The following BRINP3 variants were observed in gnomAD, a reference collection of about 807,000 sequenced individuals.
BRINP3 encodes the protein BMP/retinoic acid inducible neural specific 3.
Under a neutral mutation model 71.0 loss-of-function variants are expected in BRINP3, and 19 were observed. The ratio of observed to expected loss-of-function variants is 0.27; its 90% CI spans 0.19 to 0.39. The LOEUF (loss-of-function observed/expected upper bound fraction) is 0.39. BRINP3 is among the 10% of genes least tolerant of loss of function. The pLI, the probability that BRINP3 is intolerant of heterozygous loss-of-function variation, is 1.00. For missense variants in BRINP3, 959 were observed against 940.8 expected, an observed-to-expected ratio of 1.02 and a Z score of -0.25; for synonymous variants, 380 against 337.7, an observed-to-expected ratio of 1.13 and a Z score of -1.37.
rs555180237 is a variant in BRINP3, at chr1:190,224,953, G to A, written c.961+1129C>T. On this transcript the variant is annotated intron_variant, in intron 6 of 7. Coordinates refer to ENST00000367462, the MANE Select transcript of BRINP3 (RefSeq NM_199051.3). ...GCAAGTCAAAACTACAATTTAAAATGGGTTGTATCAAAAGACAGGCAATAA... is the reference window on the plus strand; with the variant it reads ...GCAAGTCAAAACTACAATTTAAAATAGGTTGTATCAAAAGACAGGCAATAA... Among the ~76,000 whole-genome samples the A allele has an allele frequency of 3.3e-5, 5 of 151,818 alleles. No homozygotes were observed. The South Asian group carries it at 1.0e-3, about 31-fold the overall frequency.
At chr1:190,144,070 T>C (rs2102399566) in intron 7 of BRINP3, among the ~76,000 whole-genome samples, 1 of 152,292 alleles carries the variant, frequency 6.6e-6, no homozygotes, top group East Asian at 1.9e-4. Context: ...TGTACAAGAT[T>C]CTTTAAGAGA....
At chr1:190,110,178 A>G (rs1361426814) in intron 7 of BRINP3, among the ~76,000 whole-genome samples, 1 of 152,180 alleles carries the variant, frequency 6.6e-6, no homozygotes, top group Admixed American at 6.5e-5. Flanking sequence ...GAATGCTTTA[A>G]TAGTCTCCAG....
intron 5 of BRINP3, among the ~76,000 whole-genome samples, chr1:190,232,351 A>G (rs1658072877): frequency 6.6e-6 from 1 of 152,112 alleles, no homozygotes; most frequent in Non-Finnish European, 1.5e-5. Flanking sequence ...TTTATAAGGT[A>G]GATGAGGGGT....
At chr1:190,169,835 T>C (rs1373741523) in intron 6 of BRINP3, among the ~76,000 whole-genome samples, 1 of 152,192 alleles carries the variant, frequency 6.6e-6, no homozygotes, top group Admixed American at 6.6e-5. Flanking sequence ...TATAATTTAT[T>C]TAGTGTTTCC....
At chr1:190,406,904 A>C (rs1672317863) in intron 2 of BRINP3, among the ~76,000 whole-genome samples, 1 of 152,214 alleles carries the variant, frequency 6.6e-6, no homozygotes, top group Admixed American at 6.5e-5. Context: ...TTTCACTTGA[A>C]TATAATTGAA....
At chr1:190,129,199 G>A (rs1654331689) in intron 7 of BRINP3, among the ~76,000 whole-genome samples, 2 of 151,828 alleles carry the variant, frequency 1.3e-5, no homozygotes, top group African/African-American at 4.8e-5. Flanking sequence ...GGACATCAGA[G>A]TGAGAAAGCT....
rs537392862 is a variant in BRINP3 at position 190,285,936 on chromosome 1, T to C, written c.237-4186A>G. ...TATTAAATAAGAACATTGTTGTATCTAACTAAGTGTTGTATTCTACTTGGA... is the reference window on the plus strand; with the variant it reads ...TATTAAATAAGAACATTGTTGTATCCAACTAAGTGTTGTATTCTACTTGGA... On this transcript the variant is annotated intron_variant, in intron 2 of 7. Transcript: ENST00000367462. 1.5e-4 allele frequency among the ~76,000 whole-genome samples: 23 copies of C among 152,280 alleles called. 1 individual carries two copies. Among genetic ancestry groups the C allele is most frequent in the African/African-American group, 5.1e-4 (21 of 41,564 alleles).
intron 2 of BRINP3, among the ~76,000 whole-genome samples, chr1:190,426,183 G>C (rs1673693859): frequency 6.6e-6 from 1 of 151,730 alleles, no homozygotes; most frequent in African/African-American, 2.4e-5. Context: ...TTCGAGGATT[G>C]TTTCTAAGTG....
chr1:190,392,476 G>C (rs1209130929), intron 2 of BRINP3, among the ~76,000 whole-genome samples: 3 of 151,562 alleles, frequency 2.0e-5, no homozygotes, highest in Admixed American at 6.6e-5. Context: ...CAGACATAGT[G>C]CAACTGGAAA....
chr1:190,162,953 A>G (rs1027867681), intron 6 of BRINP3, among the ~76,000 whole-genome samples: 7 of 152,140 alleles, frequency 4.6e-5, no homozygotes, highest in African/African-American at 1.7e-4. Flanking sequence ...ATCTATGACA[A>G]CAAATATGAA....
chr1:190,119,971 A>AGTAGTTGAGTCCATCACATCTTTTTC (rs1653500630), intron 7 of BRINP3, among the ~76,000 whole-genome samples: 1 of 152,206 alleles, frequency 6.6e-6, no homozygotes. Flanking sequence ...TTTTTCAGTA[A>AGTAGTTGAGTCCATCACATCTTTTTC]AGTAAGTAGT....
intron 6 of BRINP3, among the ~76,000 whole-genome samples, chr1:190,212,184 C>G (rs1346267207): frequency 1.3e-5 from 2 of 152,038 alleles, no homozygotes; most frequent in African/African-American, 4.8e-5. Flanking sequence ...TTGTCAAAAA[C>G]CTTTACCCAT....
chr1:190,312,150 A>G (rs1399745131), intron 2 of BRINP3, among the ~76,000 whole-genome samples: 1 of 148,274 alleles, frequency 6.7e-6, no homozygotes, highest in Non-Finnish European at 1.5e-5. Context: ...AACTGGCAAC[A>G]TTTGAAGTGG....
intron 7 of BRINP3, among the ~76,000 whole-genome samples, chr1:190,130,701 C>A (rs998425511): frequency 6.6e-6 from 1 of 152,030 alleles, no homozygotes; most frequent in African/African-American, 2.4e-5. Flanking sequence ...GATTGTGTTT[C>A]TCAGTCAGCT....
In BRINP3 at chr1:190,226,293, A is replaced by G; in HGVS notation, c.750T>C (p.Tyr250=). Residue 250 remains tyrosine, a synonymous_variant, in exon 6 of 8, where the codon TAT becomes TAC. Transcript: ENST00000367462. ...LQGLQVLLPD[Y]LQERFVQAAL... is the part of the protein sequence containing the mutation. ...CTGCTTGTACAAAACGTTCCTGAAG[A>G]TAGTCTGGGAGAAGTACTTGAAGCC... is the stretch of plus-strand genomic sequence containing the variant. 1 of 1,605,212 alleles carries G rather than the reference A, an allele frequency of 6.2e-7. No individual in the cohort carries two copies. Among genetic ancestry groups the G allele is most frequent in the Non-Finnish European group, 8.5e-7 (1 of 1,175,384 alleles).
intron 7 of BRINP3, among the ~76,000 whole-genome samples, chr1:190,158,529 C>T (rs1042266778): frequency 1.1e-4 from 17 of 151,996 alleles, no homozygotes; most frequent in African/African-American, 1.9e-4. Flanking sequence ...ACCTGGGTGA[C>T]GGGATCAATC....
intron 4 of BRINP3, 73 bp downstream of exon 4, chr1:190,264,792 C>T: frequency 1.6e-6 from 2 of 1,245,194 alleles, no homozygotes; most frequent in East Asian, 2.5e-5. Context: ...TAAGCAAATA[C>T]ATAAAAATGC....
chr1:190,261,824 C>A (rs1044024737), intron 4 of BRINP3, among the ~76,000 whole-genome samples: 9 of 152,100 alleles, frequency 5.9e-5, no homozygotes, highest in Non-Finnish European at 1.3e-4. Context: ...ATGCATTGAA[C>A]CTTTAGGTAT....
intron 2 of BRINP3, among the ~76,000 whole-genome samples, chr1:190,430,032 T>C (rs1558279802): frequency 6.6e-6 from 1 of 152,206 alleles, no homozygotes; most frequent in Non-Finnish European, 1.5e-5. Flanking sequence ...TATCTATAGA[T>C]ACTTTCTTGA....
Sources: gnomAD v4.1 joint callset for allele counts (sites outside exome capture counted in the v4.1 genomes callset) on GRCh38, gnomAD v4.1.1 for gene constraint, MANE v1.5 for transcripts, NCBI Gene and HGNC (gene_info 2026-07-23, HGNC 2026-07-21) for gene names.